The following SLC4A10 variants were observed in gnomAD, a reference collection of about 807,000 sequenced individuals.
The protein encoded by SLC4A10 is solute carrier family 4 member 10.
A neutral mutation model predicts 137.7 loss-of-function variants in SLC4A10; 42 were observed. The ratio of observed to expected loss-of-function variants is 0.30; its 90% confidence interval spans 0.24 to 0.39. The LOEUF (loss-of-function observed/expected upper bound fraction) is 0.39. Among genes scored for constraint, SLC4A10 ranks in the 10% least tolerant of loss-of-function variants. The pLI, the probability that SLC4A10 is intolerant of heterozygous loss-of-function variation, is 1.00. For missense variants in SLC4A10, 925 were observed against 1,355.0 expected, an observed-to-expected ratio of 0.68 and a Z score of 4.98; for synonymous variants, 474 against 464.1, an observed-to-expected ratio of 1.02 and a Z score of -0.27.
At chr2:161,907,317 C>G (rs1354262682) in intron 15 of SLC4A10, among the ~76,000 whole-genome samples, 2 of 152,248 alleles carry the variant, frequency 1.3e-5, no homozygotes, top group East Asian at 3.9e-4. Context: ...ATGGGAAGAA[C>G]AGTTTGATCA....
intron 3 of SLC4A10, 29 bp from the exon 4 acceptor site, chr2:161,839,760 C>G (rs763294384): frequency 6.2e-7 from 1 of 1,611,606 alleles, no homozygotes; most frequent in Non-Finnish European, 8.5e-7. Context: ...AATACATGTT[C>G]ATGGTAATAC....
intron 11 of SLC4A10, among the ~76,000 whole-genome samples, chr2:161,896,860 G>A (rs1414680292): frequency 1.3e-5 from 2 of 152,012 alleles, no homozygotes; most frequent in Non-Finnish European, 2.9e-5. Context: ...AAAGATTTTA[G>A]CCCCTACTTA....
chr2:161,804,630 T>C (rs2055724953), intron 3 of SLC4A10, 35 bp downstream of exon 3: 1 of 1,557,100 alleles, frequency 6.4e-7, no homozygotes, highest in Non-Finnish European at 8.7e-7. Context: ...ATTAAGTTAA[T>C]TATTGTAATA....
intron 25 of SLC4A10, chr2:161,977,420 G>T (rs913045287): frequency 1.2e-4 from 60 of 492,602 alleles, no homozygotes; most frequent in South Asian, 8.3e-4. Context: ...AACAACTCCT[G>T]TAGTTGTGGA....
At chr2:161,789,179 G>T (rs569517371) in intron 2 of SLC4A10, among the ~76,000 whole-genome samples, 4 of 152,302 alleles carry the variant, frequency 2.6e-5, no homozygotes, top group African/African-American at 9.6e-5. Flanking sequence ...GCCACCTGAG[G>T]CTCCCACCCC....
At chr2:161,824,722 C>T (rs995574663) in intron 3 of SLC4A10, among the ~76,000 whole-genome samples, 14 of 152,284 alleles carry the variant, frequency 9.2e-5, no homozygotes, top group African/African-American at 3.4e-4. Context: ...TTTTTTACAA[C>T]ATGGACCCTT....
intron 3 of SLC4A10, among the ~76,000 whole-genome samples, chr2:161,816,090 C>A (rs992063887): frequency 1.3e-5 from 2 of 151,070 alleles, no homozygotes; most frequent in Non-Finnish European, 2.9e-5. Context: ...CAGTCACACA[C>A]AGAGACTTCA....
chr2:161,879,987 T>TAA (rs1021989603), intron 9 of SLC4A10, among the ~76,000 whole-genome samples: 8 of 151,538 alleles, frequency 5.3e-5, no homozygotes, highest in Non-Finnish European at 1.0e-4. Flanking sequence ...ACTAAAACTG[T>TAA]AAAAAAAAGA....
Position 161,804,524 on chromosome 2 carries a change from G to C in SLC4A10, c.206G>C (p.Gly69Ala). ...AGCCATCGACGTCACAGGCATCGTG[G>C]TCATAAACACAGAAAGAGAGACAGA... ...RKSHRRHRHRGHKHRKRDRER... is the reference protein window; with the variant it reads ...RKSHRRHRHRAHKHRKRDRER... The change falls in exon 3 of 27, where the codon GGT (glycine) becomes GCT (alanine). Residue 69 changes from glycine (G) to alanine (A), a missense_variant. This residue lies in a region of SLC4A10 where 138 missense variants were observed against 171.3 expected (regional missense o/e 0.81). Transcript: ENST00000446997. The C allele has an allele frequency of 6.2e-7, 1 of 1,613,148 alleles. No individual in the cohort carries two copies. The highest frequency in any genetic ancestry group is 8.5e-7 in the Non-Finnish European group (1 of 1,179,454).
At chr2:161,843,925 T>C (rs1284877168) in intron 4 of SLC4A10, among the ~76,000 whole-genome samples, 7 of 152,140 alleles carry the variant, frequency 4.6e-5, no homozygotes, top group Admixed American at 1.3e-4. Context: ...AAGCTAAATT[T>C]TTGAATCATA....
At chr2:161,733,568 G>A (rs904199402) in intron 1 of SLC4A10, among the ~76,000 whole-genome samples, 2 of 152,236 alleles carry the variant, frequency 1.3e-5, no homozygotes, top group Non-Finnish European at 2.9e-5. Context: ...GTGCAGACGG[G>A]AAATGTGGGG....
At chr2:161,696,383 C>T (rs2042505206) in intron 1 of SLC4A10, among the ~76,000 whole-genome samples, 7 of 148,398 alleles carry the variant, frequency 4.7e-5, no homozygotes, top group African/African-American at 9.9e-5. Context: ...TATACATGTG[C>T]CATGCTGGTG....
At chr2:161,697,773 T>C (rs900757323) in intron 1 of SLC4A10, among the ~76,000 whole-genome samples, 19 of 152,232 alleles carry the variant, frequency 1.2e-4, no homozygotes, top group African/African-American at 4.3e-4. Context: ...GGTTTAGGAT[T>C]GACTTGGTGA....
At chr2:161,754,336 A>G (rs2049344778) in intron 1 of SLC4A10, among the ~76,000 whole-genome samples, 1 of 152,140 alleles carries the variant, frequency 6.6e-6, no homozygotes, top group Non-Finnish European at 1.5e-5. Context: ...CACTTTTTAA[A>G]ATTGCAATAG....
chr2:161,868,016 A>G (rs1217942174), intron 6 of SLC4A10, among the ~76,000 whole-genome samples: 2 of 151,864 alleles, frequency 1.3e-5, no homozygotes, highest in Admixed American at 1.3e-4. Context: ...GTTTCCTTCT[A>G]GTGCACGTGA....
At chr2:161,787,833 T>A (rs894751453) in intron 2 of SLC4A10, among the ~76,000 whole-genome samples, 4 of 152,198 alleles carry the variant, frequency 2.6e-5, no homozygotes, top group African/African-American at 9.6e-5. Context: ...GGTTTCTTTG[T>A]ATTGGTTTTC....
At chr2:161,875,103 A>G (rs2061383295) in intron 8 of SLC4A10, among the ~76,000 whole-genome samples, 1 of 152,216 alleles carries the variant, frequency 6.6e-6, no homozygotes, top group Non-Finnish European at 1.5e-5. Flanking sequence ...ATGTAAGCCC[A>G]GTTTTGGAAT....
chr2:161,795,756 G>A (rs1392468539), intron 2 of SLC4A10, among the ~76,000 whole-genome samples: 1 of 152,000 alleles, frequency 6.6e-6, no homozygotes, highest in South Asian at 2.1e-4. Flanking sequence ...AGATTGCAGC[G>A]ATTTTGTGAA....
intron 16 of SLC4A10, among the ~76,000 whole-genome samples, chr2:161,946,919 G>T (rs1238905770): frequency 6.6e-6 from 1 of 152,056 alleles, no homozygotes; most frequent in Admixed American, 6.6e-5. Context: ...TTCAGTCATT[G>T]TATGTCATAG....
Sources: allele counts gnomAD v4.1 joint callset (sites outside exome capture counted in the v4.1 genomes callset), GRCh38; gene constraint gnomAD v4.1.1; regional missense constraint gnomAD v4.1.1; transcripts MANE v1.5; gene names NCBI Gene and HGNC (gene_info 2026-07-23, HGNC 2026-07-21).